ATP6V1C2: variants seen among roughly 807,000 people sequenced by gnomAD.
ATP6V1C2 encodes ATPase H+ transporting V1 subunit C2.
Under a neutral mutation model 56.8 loss-of-function variants are expected in ATP6V1C2, and 45 were observed. That is an observed-to-expected ratio of 0.79 (90% CI 0.62 to 1.02). The LOEUF is 1.02. ATP6V1C2 is among the 50% of genes least tolerant of loss of function. The pLI is 0.00. For synonymous variants in ATP6V1C2, 220 were observed against 201.3 expected, an observed-to-expected ratio of 1.09 and a Z score of -0.79; for missense variants, 463 against 519.7, an observed-to-expected ratio of 0.89 and a Z score of 1.06.
chr2:10,754,734 A>G (rs1033703996), intron 4 of ATP6V1C2, among the ~76,000 whole-genome samples: 5 of 151,512 alleles, frequency 3.3e-5, no homozygotes, highest in African/African-American at 1.2e-4. Context: ...CACCACACCT[A>G]GCTAATTTTG....
At chr2:10,726,739 C>T (rs949832956) in intron 3 of ATP6V1C2, among the ~76,000 whole-genome samples, 170 bp downstream of exon 3, 1 of 152,032 alleles carries the variant, frequency 6.6e-6, no homozygotes, top group African/African-American at 2.4e-5. Flanking sequence ...TGCAGGAGCC[C>T]GCCTGATCCC....
At chr2:10,751,601 T>TA (rs2148454480) in intron 3 of ATP6V1C2, among the ~76,000 whole-genome samples, 1 of 152,254 alleles carries the variant, frequency 6.6e-6, no homozygotes, top group Non-Finnish European at 1.5e-5. Flanking sequence ...TGTGGCCTGG[T>TA]GGCCGAGAGC....
intron 4 of ATP6V1C2, chr2:10,757,283 G>C (rs1663613098): frequency 2.7e-6 from 1 of 375,274 alleles, no homozygotes; most frequent in Admixed American, 4.6e-5. Context: ...AAAGTGCTAG[G>C]ATTACAGGCG....
At chr2:10,744,605 C>CATAA (rs1662764558) in intron 3 of ATP6V1C2, among the ~76,000 whole-genome samples, 2 of 151,492 alleles carry the variant, frequency 1.3e-5, no homozygotes, top group South Asian at 4.2e-4. Context: ...ACTTGAACTA[C>CATAA]ATAAACAGGT....
intron 9 of ATP6V1C2, 45 bp from the exon 10 acceptor site, chr2:10,774,932 CT>C: frequency 6.2e-7 from 1 of 1,612,042 alleles, no homozygotes; most frequent in Non-Finnish European, 8.5e-7. Context: ...GTCTCTGCCC[CT>C]CTGGAAAGCT....
At chr2:10,729,974 TCTC>T (rs757000400) in intron 3 of ATP6V1C2, among the ~76,000 whole-genome samples, 1 of 152,132 alleles carries the variant, frequency 6.6e-6, no homozygotes, top group Non-Finnish European at 1.5e-5. Context: ...TTCTTTTTCT[TCTC>T]CTACCCCTTA....
intron 8 of ATP6V1C2, among the ~76,000 whole-genome samples, chr2:10,774,453 C>T (rs1304082478): frequency 6.6e-6 from 1 of 152,236 alleles, no homozygotes; most frequent in Admixed American, 6.5e-5. Flanking sequence ...TCAGGCAGCA[C>T]GTCAGAGCCA....
intron 3 of ATP6V1C2, among the ~76,000 whole-genome samples, chr2:10,749,372 C>T (rs746743697): frequency 2.0e-5 from 3 of 151,870 alleles, no homozygotes; most frequent in Non-Finnish European, 4.4e-5. Flanking sequence ...CAGTAAAAAG[C>T]CGGCAAAATA....
At position 10,771,845 on chromosome 2, in the gene ATP6V1C2, C is replaced by G. The variant is rs745942105; in HGVS notation, c.477C>G (p.Asn159Lys). ...TGTTCCACCTGCCTTTTAGGGGGAA[C>G]CTCTTCACCCGGACACTGAGTGATA... ...LENLEKKSMG[N>K]LFTRTLSDIV... is the part of the protein sequence containing the mutation. Residue 159 changes from asparagine (N) to lysine (K), a missense_variant, in exon 7 of 14, where the codon AAC becomes AAG. Asn to Lys is a moderately conservative substitution (Grantham distance 94). Coordinates refer to ENST00000272238, the MANE Select transcript of ATP6V1C2 (RefSeq NM_001039362.2). 6.2e-7 allele frequency: 1 copy of G among 1,613,800 alleles called. No individual in the cohort carries two copies. Among genetic ancestry groups the G allele is most frequent in the South Asian group, 1.1e-5 (1 of 91,074 alleles).
intron 3 of ATP6V1C2, among the ~76,000 whole-genome samples, chr2:10,743,965 C>G: frequency 7.2e-6 from 1 of 139,120 alleles, no homozygotes; most frequent in African/African-American, 2.7e-5. Context: ...GCCTGGGCAA[C>G]AGCGAGATTC....
rs1665287221 is a variant in ATP6V1C2 at position 10,780,614 on chromosome 2, T to A, written c.1062-1629T>A. Among the ~76,000 whole-genome samples the A allele has an allele frequency of 6.6e-6, 1 of 152,222 alleles. No homozygotes were observed. The highest frequency in any genetic ancestry group is 2.1e-4 in the South Asian group (1 of 4,836). On this transcript the variant is annotated intron_variant, in intron 12 of 13. Coordinates refer to ENST00000272238, the MANE Select transcript of ATP6V1C2 (RefSeq NM_001039362.2). The surrounding 1 kb of genome is among the most constrained non-coding windows in gnomAD (Gnocchi z 4.1). The stretch of plus-strand genomic sequence containing the variant: ...CATCTCTAATATACATGGCCCCAGA[T>A]CAACCCTGCCCGGCTCAGAAGTCGG...
intron 10 of ATP6V1C2, 64 bp downstream of exon 10, chr2:10,775,135 C>G: frequency 8.1e-7 from 1 of 1,234,136 alleles, no homozygotes; most frequent in Non-Finnish European, 1.2e-6. Flanking sequence ...GAAGAGTCCT[C>G]CCAGGTCTCC....
intron 3 of ATP6V1C2, among the ~76,000 whole-genome samples, chr2:10,737,658 G>C (rs1662326964): frequency 6.6e-6 from 1 of 152,140 alleles, no homozygotes; most frequent in Non-Finnish European, 1.5e-5. Context: ...GCGCTTTGCT[G>C]CCCTTACGGG....
intron 5 of ATP6V1C2, among the ~76,000 whole-genome samples, chr2:10,767,074 C>T (rs191880144): frequency 2.6e-3 from 380 of 147,236 alleles, no homozygotes; most frequent in Non-Finnish European, 4.1e-3. Context: ...AGAAAAATGG[C>T]AAAATGTAAA....
chr2:10,772,080 T>A (rs1439910565), intron 7 of ATP6V1C2, 143 bp downstream of exon 7: 17 of 710,996 alleles, frequency 2.4e-5, no homozygotes, highest in South Asian at 1.5e-4. Context: ...CATGGGGCCC[T>A]GCCTGCGGCT....
intron 4 of ATP6V1C2, among the ~76,000 whole-genome samples, chr2:10,755,770 A>G (rs1302272727): frequency 1.3e-5 from 2 of 152,156 alleles, no homozygotes; most frequent in Non-Finnish European, 2.9e-5. Flanking sequence ...GTGCTGAGGA[A>G]GGCCTCCAGC....
Position 10,731,328 on chromosome 2 carries a change from G to T in ATP6V1C2, c.197+4759G>T, listed in dbSNP as rs1057155850. Among the ~76,000 whole-genome samples the T allele has an allele frequency of 2.6e-5, 4 of 152,162 alleles. 1 individual carries two copies. ...ATCTGTCTGCTCTCAGACGAATGAA[G>T]GGAAGTAAAATCATGCTAAATCAAG... On this transcript the variant is annotated intron_variant, in intron 3 of 13. Coordinates refer to ENST00000272238, the MANE Select transcript of ATP6V1C2 (RefSeq NM_001039362.2).
intron 4 of ATP6V1C2, 82 bp downstream of exon 4, chr2:10,754,148 C>G (rs1663382741): frequency 8.2e-7 from 1 of 1,213,330 alleles, no homozygotes; most frequent in East Asian, 2.6e-5. Flanking sequence ...GGCCACACAG[C>G]AATCACCGAG....
Position 10,779,650 on chromosome 2 carries a change from C to T in ATP6V1C2, c.1061+981C>T, listed in dbSNP as rs536395497. 2.2e-3 allele frequency among the ~76,000 whole-genome samples: 304 copies of T among 140,362 alleles called. 3 individuals carry two copies. Among genetic ancestry groups the T allele is most frequent in the Admixed American group, 5.7e-3 (79 of 13,826 alleles). The allele number at this position is 140,362 out of a possible 152,430, so 92.1% of individuals were successfully genotyped here. Reference sequence around the variant, plus strand: ...GCAGTGAGCCGAGATCGCGTCACTGCACTCGAGCCTGGGCAACAAGAGAAA... The same window carrying T: ...GCAGTGAGCCGAGATCGCGTCACTGTACTCGAGCCTGGGCAACAAGAGAAA... On this transcript the variant is annotated intron_variant, in intron 12 of 13. Transcript: ENST00000272238.
Sources: gnomAD v4.1 joint callset for allele counts (sites outside exome capture counted in the v4.1 genomes callset) on GRCh38, gnomAD v4.1.1 for gene constraint, Gnocchi (gnomAD v3.1) non-coding constraint, MANE v1.5 for transcripts, NCBI Gene and HGNC (gene_info 2026-07-23, HGNC 2026-07-21) for gene names.